The following PUM3 variants were observed in gnomAD, a reference collection of about 807,000 sequenced individuals.
PUM3 encodes the protein pumilio RNA binding family member 3.
Under a neutral mutation model 84.0 loss-of-function variants are expected in PUM3, and 91 were observed. The ratio of observed to expected loss-of-function variants is 1.08; its 90% confidence interval spans 0.91 to 1.29. The LOEUF (loss-of-function observed/expected upper bound fraction) is 1.29, where lower values mean the gene tolerates loss of function less well. PUM3 is among the 50% of genes most tolerant of loss of function. The pLI, the probability that PUM3 is intolerant of heterozygous loss-of-function variation, is 0.00. For synonymous variants in PUM3, 321 were observed against 266.7 expected (o/e 1.20, Z -1.98); for missense variants, 1,067 against 767.5 (o/e 1.39, Z -4.61).
chr9:2,827,632 C>T (rs1233911949), intron 9 of PUM3, among the ~76,000 whole-genome samples: 3 of 152,116 alleles, frequency 2.0e-5, no homozygotes, highest in Non-Finnish European at 2.9e-5. Context: ...CTACTTAATC[C>T]AAACCCCCTA....
chr9:2,829,561 A>C (rs1250247663), intron 8 of PUM3, among the ~76,000 whole-genome samples: 6 of 152,204 alleles, frequency 3.9e-5, no homozygotes, highest in African/African-American at 1.4e-4. Flanking sequence ...GTTTGAATTG[A>C]AGGGGATTTA....
chr9:2,833,316 T>A, intron 5 of PUM3, 41 bp downstream of exon 5: 1 of 1,096,232 alleles, frequency 9.1e-7, no homozygotes, highest in Non-Finnish European at 1.4e-6. Context: ...TGAGGCAACT[T>A]CAACTGTTAA....
chr9:2,838,514 A>G lies in PUM3; in HGVS notation c.-7T>C. The G allele has an allele frequency of 6.2e-7, 1 of 1,609,080 alleles. No homozygotes were observed. Among genetic ancestry groups the G allele is most frequent in the Non-Finnish European group, 8.5e-7 (1 of 1,175,564 alleles). The stretch of plus-strand genomic sequence containing the variant: ...TTTTCCCTTTAACTTCCATCGTAGC[A>G]ACTCTGGAAAACCAAAACCAAAACC... On this transcript the variant is annotated 5_prime_UTR_variant, in exon 2 of 18. Transcript: ENST00000397885.
chr9:2,813,449 C>G (rs1045244350), intron 13 of PUM3, among the ~76,000 whole-genome samples: 3 of 152,172 alleles, frequency 2.0e-5, no homozygotes, highest in Non-Finnish European at 4.4e-5. Context: ...GGAAAGAGTT[C>G]TGTCCAACTG....
chr9:2,820,863 C>G (rs1270933892), intron 12 of PUM3, among the ~76,000 whole-genome samples: 1 of 152,120 alleles, frequency 6.6e-6, no homozygotes, highest in South Asian at 2.1e-4. Flanking sequence ...CTGTTCCAAA[C>G]ATTTAAAGAA....
At chr9:2,807,138 G>C (rs1335145805) in intron 17 of PUM3, among the ~76,000 whole-genome samples, 1 of 152,050 alleles carries the variant, frequency 6.6e-6, no homozygotes, top group African/African-American at 2.4e-5. Context: ...AACCCAGGAG[G>C]CAGAGCTTGC....
chr9:2,842,233 C>G (rs1298754066), intron 1 of PUM3, among the ~76,000 whole-genome samples: 3 of 152,124 alleles, frequency 2.0e-5, no homozygotes, highest in Admixed American at 2.0e-4. Context: ...CTCTATTACC[C>G]CATTCAGGCT....
intron 1 of PUM3, among the ~76,000 whole-genome samples, chr9:2,843,109 A>G (rs998544728): frequency 2.0e-5 from 3 of 152,194 alleles, no homozygotes; most frequent in Non-Finnish European, 4.4e-5. Flanking sequence ...CTTGCTTACA[A>G]GTCTTCAATG....
At position 2,838,486 on chromosome 9, in the gene PUM3, G is replaced by C; in HGVS notation, c.22C>G (p.Gln8Glu). MEVKGKKQFTGKSTKTAQ... is the reference protein window; with the variant it reads MEVKGKKEFTGKSTKTAQ... Reference sequence around the variant, plus strand: ...GTCTTTGTACTCTTTCCTGTGAATTGCTTTTTCCCTTTAACTTCCATCGTA... The same window carrying C: ...GTCTTTGTACTCTTTCCTGTGAATTCCTTTTTCCCTTTAACTTCCATCGTA... The change falls in exon 2 of 18, where the codon CAA (glutamine) becomes GAA (glutamate). Residue 8 changes from glutamine (Q) to glutamate (E), a missense_variant. By Grantham distance (29) the Gln-to-Glu change is conservative. Transcript: ENST00000397885. 1.9e-6 allele frequency: 3 copies of C among 1,613,016 alleles called. No individual in the cohort carries two copies. The highest frequency in any genetic ancestry group is 2.5e-6 in the Non-Finnish European group (3 of 1,179,304).
intron 13 of PUM3, among the ~76,000 whole-genome samples, chr9:2,816,437 A>G (rs1017457574): frequency 2.0e-5 from 3 of 152,222 alleles, no homozygotes; most frequent in African/African-American, 7.2e-5. Flanking sequence ...AGTCCTGGAG[A>G]TTGCCTAACA....
chr9:2,833,327 A>C (rs1816033109), intron 5 of PUM3, 30 bp downstream of exon 5: 1 of 1,266,968 alleles, frequency 7.9e-7, no homozygotes, highest in Admixed American at 1.9e-5. Context: ...CAACTGTTAA[A>C]AATTGCAACA....
Position 2,837,542 on chromosome 9 carries a change from G to C in PUM3, c.83-141C>G, listed in dbSNP as rs977779444. The C allele has an allele frequency of 3.8e-5, 23 of 602,282 alleles. No individual in the cohort carries two copies. The African/African-American group carries it at 4.1e-4, about 11-fold the overall frequency. 37.3% of individuals were successfully genotyped at this position (602,282 alleles called of 1,614,324 possible). On this transcript the variant is annotated intron_variant, in intron 2 of 17. Coordinates refer to ENST00000397885, the MANE Select transcript of PUM3 (RefSeq NM_014878.5). Reference sequence around the variant, plus strand: ...TCAAATATGCAACATATAGCCTTTTGAGTAGAACTGGATTTAAACAATCAA... The same window carrying C: ...TCAAATATGCAACATATAGCCTTTTCAGTAGAACTGGATTTAAACAATCAA...
chr9:2,836,763 A>G (rs771793872), intron 3 of PUM3, among the ~76,000 whole-genome samples: 3 of 152,034 alleles, frequency 2.0e-5, no homozygotes, highest in Non-Finnish European at 4.4e-5. Flanking sequence ...GCCAGATTCT[A>G]TGATTAGTTG....
intron 9 of PUM3, among the ~76,000 whole-genome samples, chr9:2,827,436 A>G (rs1260435716): frequency 1.3e-5 from 2 of 152,220 alleles, no homozygotes; most frequent in Non-Finnish European, 2.9e-5. Flanking sequence ...TGCTCTATTA[A>G]ATAAGGACAT....
intron 10 of PUM3, among the ~76,000 whole-genome samples, chr9:2,825,826 CAACT>C (rs1057348723): frequency 6.6e-6 from 1 of 152,122 alleles, no homozygotes; most frequent in African/African-American, 2.4e-5. Flanking sequence ...TGAGTTCTGG[CAACT>C]AACAAGTGCA....
chr9:2,833,946 T>A, intron 4 of PUM3, 85 bp downstream of exon 4: 2 of 1,405,544 alleles, frequency 1.4e-6, no homozygotes, highest in Non-Finnish European at 2.0e-6. Flanking sequence ...TGTCATTTAT[T>A]TTAGGACATC....
intron 13 of PUM3, among the ~76,000 whole-genome samples, chr9:2,816,572 A>G (rs1821473935): frequency 6.6e-6 from 1 of 152,196 alleles, no homozygotes; most frequent in African/African-American, 2.4e-5. Context: ...TGGAGCTCAC[A>G]CTGCCAGGGA....
At chr9:2,827,986 A>G (rs1234456798) in intron 9 of PUM3, among the ~76,000 whole-genome samples, 1 of 152,210 alleles carries the variant, frequency 6.6e-6, no homozygotes, top group Non-Finnish European at 1.5e-5. Flanking sequence ...ACTACTGGAC[A>G]GATGCCATGA....
chr9:2,827,079 G>A lies in PUM3; in HGVS notation c.1029C>T (p.Leu343=). 1.2e-6 allele frequency: 2 copies of A among 1,607,806 alleles called. No individual in the cohort carries two copies. The highest frequency in any genetic ancestry group is 2.2e-5 in the East Asian group (1 of 44,654). The change falls in exon 10 of 18, where the codon CTC becomes CTT. Residue 343 remains leucine, a synonymous_variant. Coordinates refer to ENST00000397885, the MANE Select transcript of PUM3 (RefSeq NM_014878.5). ...LDFFTYAPPK[L]RSEMIEAIRE... ...ACAAAAACCAAGAACTTACTGATCT[G>A]AGTTTGGGGGGTGCATAGGTAAAAA...
Sources: allele counts gnomAD v4.1 joint callset (sites outside exome capture counted in the v4.1 genomes callset), GRCh38; gene constraint gnomAD v4.1.1; transcripts MANE v1.5; gene names NCBI Gene and HGNC (gene_info 2026-07-23, HGNC 2026-07-21).